Variants in RALGAPA1 observed in about 807,000 individuals in gnomAD.
RALGAPA1 encodes Ral GTPase activating protein catalytic subunit alpha 1.
RALGAPA1 carries 52 observed loss-of-function variants against 269.6 expected under a neutral mutation model. The ratio of observed to expected loss-of-function variants is 0.19; its 90% CI spans 0.15 to 0.24. RALGAPA1 has a LOEUF of 0.24. Ranked by LOEUF, RALGAPA1 falls within the 10% of genes least tolerant of loss-of-function variation. The pLI is 1.00. For synonymous variants in RALGAPA1, 817 were observed against 1,008.3 expected (o/e 0.81, Z 3.60); for missense variants, 1,917 against 3,013.9 (o/e 0.64, Z 8.52).
rs1567197188 is a variant in RALGAPA1, at chr14:35,771,019, GA to G, written c.268-21del. The G allele has an allele frequency of 9.2e-7, 1 of 1,092,070 alleles. No homozygotes were observed. Among genetic ancestry groups the G allele is most frequent in the South Asian group, 1.5e-5 (1 of 65,792 alleles). 67.6% of individuals were successfully genotyped at this position (1,092,070 alleles called of 1,614,324 possible). On this transcript the variant is annotated intron_variant, in intron 3 of 41. Transcript: ENST00000680220. ...AATTTTCTAAAAATCAATATAAAGA[GA>G]AAAAAAGAAAAGAATAAAACCAAGT...
At chr14:35,668,375 C>T (rs1055025506) in intron 26 of RALGAPA1, among the ~76,000 whole-genome samples, 1 of 151,602 alleles carries the variant, frequency 6.6e-6, no homozygotes, top group African/African-American at 2.4e-5. Flanking sequence ...CCCAGCTATT[C>T]GGGAGGCTGA....
intron 41 of RALGAPA1, among the ~76,000 whole-genome samples, chr14:35,541,532 G>A (rs2053997516): frequency 6.6e-6 from 1 of 152,072 alleles, no homozygotes; most frequent in Admixed American, 6.6e-5. Flanking sequence ...ACATATTTCT[G>A]TTCACCTTTA....
chr14:35,578,978 A>T (rs2057764773), intron 37 of RALGAPA1, among the ~76,000 whole-genome samples: 1 of 152,238 alleles, frequency 6.6e-6, no homozygotes, highest in South Asian at 2.1e-4. Flanking sequence ...GTAAACTTAC[A>T]TGCTGATAAA....
intron 37 of RALGAPA1, among the ~76,000 whole-genome samples, chr14:35,577,835 G>T (rs1163746890): frequency 6.6e-6 from 1 of 152,124 alleles, no homozygotes; most frequent in Admixed American, 6.5e-5. Context: ...TAATCACTCA[G>T]GATTAAAACC....
At position 35,776,778 on chromosome 14, in the gene RALGAPA1, T is replaced by C. The variant is rs369546743; in HGVS notation, c.107-1033A>G. The stretch of plus-strand genomic sequence containing the variant: ...GAAAGGGCATTCAAGGCATAAAAAA[T>C]ACATGGAGCAAGAAAAACGTGAGGT... On this transcript the variant is annotated intron_variant, in intron 1 of 41. Coordinates refer to ENST00000680220, the MANE Select transcript of RALGAPA1 (RefSeq NM_001346249.2). Among the ~76,000 whole-genome samples the C allele has an allele frequency of 1.3e-3, 193 of 152,184 alleles. 7 individuals carry two copies. The South Asian group carries it at 0.039, about 31-fold the overall frequency.
chr14:35,549,270 G>T, intron 39 of RALGAPA1, 36 bp from the exon 40 acceptor site: 1 of 1,578,776 alleles, frequency 6.3e-7, no homozygotes, highest in Non-Finnish European at 8.6e-7. Flanking sequence ...CTTAAGTGCA[G>T]CTTATACTGG....
intron 24 of RALGAPA1, among the ~76,000 whole-genome samples, chr14:35,673,826 C>T (rs139484423): frequency 6.6e-6 from 1 of 152,136 alleles, no homozygotes; most frequent in Non-Finnish European, 1.5e-5. Context: ...ATGTGATCCA[C>T]CCGGCTCAGC....
chr14:35,722,012 T>C (rs2069462967), intron 15 of RALGAPA1, among the ~76,000 whole-genome samples, 163 bp from the exon 16 acceptor site: 2 of 152,216 alleles, frequency 1.3e-5, no homozygotes, highest in African/African-American at 4.8e-5. Flanking sequence ...CTTCACTTTA[T>C]GTATAAATCA....
At chr14:35,643,643 T>G (rs945141729) in intron 31 of RALGAPA1, among the ~76,000 whole-genome samples, 2 of 152,162 alleles carry the variant, frequency 1.3e-5, no homozygotes, top group African/African-American at 4.8e-5. Context: ...TAAGTGTCCA[T>G]CAACAGATGA....
At position 35,608,621 on chromosome 14, in the gene RALGAPA1, A is replaced by T. The variant is rs985716751; in HGVS notation, c.6930-2912T>A. Reference sequence around the variant, plus strand: ...GATAGAGATATTTCATAATGATACAATGTCAACCTAACAGGAAAATATGAA... The same window carrying T: ...GATAGAGATATTTCATAATGATACATTGTCAACCTAACAGGAAAATATGAA... On this transcript the variant is annotated intron_variant, in intron 35 of 41. Transcript: ENST00000680220. Among the ~76,000 whole-genome samples the T allele has an allele frequency of 2.3e-4, 35 of 152,232 alleles. 1 individual carries two copies. The highest frequency in any genetic ancestry group is 4.4e-5 in the Non-Finnish European group (3 of 68,036).
At chr14:35,794,525 C>T (rs2076418276) in intron 1 of RALGAPA1, among the ~76,000 whole-genome samples, 2 of 152,092 alleles carry the variant, frequency 1.3e-5, no homozygotes, top group African/African-American at 4.8e-5. Flanking sequence ...GGCGCAGTCT[C>T]GGCTCACTGC....
At position 35,627,704 on chromosome 14, in the gene RALGAPA1, T is replaced by A; in HGVS notation, c.6243A>T (p.Ser2081=). The change falls in exon 34 of 42, where the codon TCA becomes TCT. Residue 2081 remains serine, a synonymous_variant. Coordinates refer to ENST00000680220, the MANE Select transcript of RALGAPA1 (RefSeq NM_001346249.2). ...TTLVSCIQIR[S]EENMPGGGLS... ...AACCTCCTCCAGGCATATTCTCTTC[T>A]GATCTGATCTGGATACAGGACACTA... 13 of 1,608,964 alleles carry A rather than the reference T, an allele frequency of 8.1e-6. No homozygotes were observed. Among genetic ancestry groups the A allele is most frequent in the Non-Finnish European group, 1.1e-5 (13 of 1,178,258 alleles).
chr14:35,615,297 G>A (rs1047021136), intron 35 of RALGAPA1, among the ~76,000 whole-genome samples: 7 of 152,136 alleles, frequency 4.6e-5, no homozygotes, highest in African/African-American at 1.7e-4. Context: ...ATCATTTTGT[G>A]ATTTGAAATT....
chr14:35,791,563 C>T (rs1051828363), intron 1 of RALGAPA1, among the ~76,000 whole-genome samples: 6 of 149,718 alleles, frequency 4.0e-5, no homozygotes, highest in Non-Finnish European at 7.4e-5. Flanking sequence ...ACTGAGATCG[C>T]GCTATTGCAC....
chr14:35,616,469 T>C (rs1484145830), intron 35 of RALGAPA1, among the ~76,000 whole-genome samples: 1 of 152,164 alleles, frequency 6.6e-6, no homozygotes, highest in African/African-American at 2.4e-5. Flanking sequence ...TAATATACAA[T>C]AGATTTTTAG....
intron 25 of RALGAPA1, among the ~76,000 whole-genome samples, chr14:35,672,425 A>G (rs1278613259): frequency 2.0e-5 from 3 of 152,150 alleles, no homozygotes; most frequent in Admixed American, 6.5e-5. Flanking sequence ...CTATGCCAAT[A>G]TAATTGACAG....
intron 36 of RALGAPA1, among the ~76,000 whole-genome samples, chr14:35,597,331 G>C (rs369709457): frequency 1.8e-4 from 27 of 151,972 alleles, no homozygotes; most frequent in Admixed American, 7.2e-4. Flanking sequence ...TATGATCTTT[G>C]CTAATCTGAT....
At chr14:35,561,045 T>C (rs1291620934) in intron 39 of RALGAPA1, among the ~76,000 whole-genome samples, 2 of 151,724 alleles carry the variant, frequency 1.3e-5, no homozygotes, top group Non-Finnish European at 2.9e-5. Context: ...CTGGCCAACA[T>C]GGTGAAACCC....
At chr14:35,726,367 T>C (rs990130465) in intron 13 of RALGAPA1, among the ~76,000 whole-genome samples, 1 of 152,228 alleles carries the variant, frequency 6.6e-6, no homozygotes, top group Non-Finnish European at 1.5e-5. Flanking sequence ...TGAAATCAAC[T>C]ACAAATGCAA....
Sources: allele counts gnomAD v4.1 joint callset (sites outside exome capture counted in the v4.1 genomes callset), GRCh38; gene constraint gnomAD v4.1.1; transcripts MANE v1.5; gene names NCBI Gene and HGNC (gene_info 2026-07-23, HGNC 2026-07-21).